Variants in GALNTL6 observed in about 807,000 individuals in gnomAD.
The protein encoded by GALNTL6 is polypeptide N-acetylgalactosaminyltransferase-like 6.
A neutral mutation model predicts 73.7 loss-of-function variants in GALNTL6; 46 were observed. That is an observed-to-expected ratio of 0.62 (90% CI 0.49 to 0.80). The LOEUF (loss-of-function observed/expected upper bound fraction) is 0.80. GALNTL6 is among the 30% of genes least tolerant of loss of function. GALNTL6 has a pLI of 0.00. For synonymous variants in GALNTL6, 259 were observed against 263.7 expected (o/e 0.98, Z 0.17); for missense variants, 604 against 755.0 (o/e 0.80, Z 2.34).
chr4:172,812,005 G>T (rs1287264914), intron 6 of GALNTL6, among the ~76,000 whole-genome samples: 2 of 119,248 alleles, frequency 1.7e-5, no homozygotes, highest in African/African-American at 6.0e-5. Flanking sequence ...TGACTGGATG[G>T]ATAAATGGAT....
intron 3 of GALNTL6, among the ~76,000 whole-genome samples, chr4:172,300,076 T>C (rs868820830): frequency 1.2e-4 from 18 of 152,234 alleles, no homozygotes; most frequent in African/African-American, 4.3e-4. Context: ...TATATATATT[T>C]AGGATAGTTA....
At chr4:172,769,182 T>C (rs1738615341) in intron 5 of GALNTL6, among the ~76,000 whole-genome samples, 1 of 152,120 alleles carries the variant, frequency 6.6e-6, no homozygotes, top group Non-Finnish European at 1.5e-5. Flanking sequence ...ACGGAGCCAC[T>C]GAAGGTGTTA....
chr4:172,198,112 AAAAC>A (rs1021675996), intron 2 of GALNTL6, among the ~76,000 whole-genome samples: 1 of 152,064 alleles, frequency 6.6e-6, no homozygotes, highest in Non-Finnish European at 1.5e-5. Flanking sequence ...CTCTGTCAAA[AAAAC>A]AAACAAACAA....
intron 5 of GALNTL6, among the ~76,000 whole-genome samples, chr4:172,414,542 G>T (rs534003963): frequency 1.3e-5 from 2 of 152,132 alleles, no homozygotes; most frequent in East Asian, 1.9e-4. Context: ...TCATTCACAC[G>T]ATGATCTGTA....
chr4:171,859,965 T>A (rs1323119780), intron 2 of GALNTL6, among the ~76,000 whole-genome samples: 1 of 152,192 alleles, frequency 6.6e-6, no homozygotes, highest in Non-Finnish European at 1.5e-5. Context: ...GGAATTATAT[T>A]CCCAGGGCTC....
At chr4:172,670,735 C>G (rs910381759) in intron 5 of GALNTL6, among the ~76,000 whole-genome samples, 1 of 151,966 alleles carries the variant, frequency 6.6e-6, no homozygotes, top group African/African-American at 2.4e-5. Flanking sequence ...CATTTCTATG[C>G]CTAGAATGGT....
intron 3 of GALNTL6, among the ~76,000 whole-genome samples, chr4:172,284,282 CT>C (rs1213088707): frequency 6.6e-6 from 1 of 152,176 alleles, no homozygotes; most frequent in Non-Finnish European, 1.5e-5. Context: ...TGATTTCTTA[CT>C]TTTTTTCACA....
chr4:172,889,673 G>T (rs960671449), intron 8 of GALNTL6, among the ~76,000 whole-genome samples: 4 of 151,850 alleles, frequency 2.6e-5, no homozygotes, highest in African/African-American at 7.3e-5. Flanking sequence ...TTTATTGAGG[G>T]TTTTTGTGTC....
intron 2 of GALNTL6, among the ~76,000 whole-genome samples, chr4:172,139,559 C>T (rs1455731440): frequency 2.0e-5 from 3 of 151,988 alleles, no homozygotes; most frequent in Admixed American, 2.0e-4. Context: ...TAATATAATC[C>T]CAATTCCAGG....
chr4:172,834,158 A>G (rs1742785601), intron 7 of GALNTL6, among the ~76,000 whole-genome samples: 3 of 152,176 alleles, frequency 2.0e-5, no homozygotes, highest in Admixed American at 6.5e-5. Flanking sequence ...AGAATCCCTT[A>G]ACAAGAAGGA....
At chr4:172,326,160 G>T (rs955574240) in intron 4 of GALNTL6, among the ~76,000 whole-genome samples, 7 of 151,930 alleles carry the variant, frequency 4.6e-5, no homozygotes, top group Admixed American at 1.3e-4. Context: ...CAAAAATAAA[G>T]TTATACATAC....
chr4:172,087,148 C>T (rs1346004596), intron 2 of GALNTL6, among the ~76,000 whole-genome samples: 7 of 152,054 alleles, frequency 4.6e-5, no homozygotes. Context: ...GATACTCATA[C>T]AACATAGAGC....
In GALNTL6 at chr4:172,788,045, T is replaced by C. The variant is rs112569493; in HGVS notation, c.554-21316T>C. 8.4e-3 allele frequency among the ~76,000 whole-genome samples: 1,280 copies of C among 152,266 alleles called. 32 individuals carry two copies. The highest frequency in any genetic ancestry group is 0.029 in the African/African-American group (1,209 of 41,550). On this transcript the variant is annotated intron_variant, in intron 5 of 12. Transcript: ENST00000506823. ...TGTAGAGGAGACTTGAAAATGTTTA[T>C]AGCTAAAGAGAAGGAGCAGGCTGGG...
intron 5 of GALNTL6, among the ~76,000 whole-genome samples, chr4:172,435,557 C>T (rs531807285): frequency 1.3e-5 from 2 of 152,238 alleles, no homozygotes; most frequent in East Asian, 1.9e-4. Context: ...ATCATTATAG[C>T]TCCATCACAT....
intron 5 of GALNTL6, among the ~76,000 whole-genome samples, chr4:172,456,666 C>T (rs774528364): frequency 7.3e-5 from 11 of 151,268 alleles, no homozygotes; most frequent in Non-Finnish European, 1.2e-4. Context: ...ATAATGAAAA[C>T]GAACAAACAA....
At chr4:172,091,511 A>T (rs970420633) in intron 2 of GALNTL6, among the ~76,000 whole-genome samples, 10 of 152,278 alleles carry the variant, frequency 6.6e-5, no homozygotes, top group African/African-American at 2.2e-4. Context: ...AAGGTATCAG[A>T]CCAGTTTTTC....
At chr4:172,730,651 G>T (rs186447763) in intron 5 of GALNTL6, among the ~76,000 whole-genome samples, 3 of 152,110 alleles carry the variant, frequency 2.0e-5, no homozygotes, top group Non-Finnish European at 4.4e-5. Flanking sequence ...GATTTTTGCA[G>T]TTATGTTCTT....
intron 2 of GALNTL6, among the ~76,000 whole-genome samples, chr4:171,862,174 C>A (rs1426041521): frequency 1.3e-5 from 2 of 152,046 alleles, no homozygotes; most frequent in Non-Finnish European, 2.9e-5. Flanking sequence ...AGGCAGAGGT[C>A]TTCAGAAATA....
chr4:172,015,317 T>G (rs972656759), intron 2 of GALNTL6, among the ~76,000 whole-genome samples: 4 of 152,030 alleles, frequency 2.6e-5, no homozygotes. Flanking sequence ...TGTCCTTCTT[T>G]CTCTTTGTTG....
Sources: allele counts gnomAD v4.1 joint callset (sites outside exome capture counted in the v4.1 genomes callset), GRCh38; gene constraint gnomAD v4.1.1; transcripts MANE v1.5; gene names NCBI Gene and HGNC (gene_info 2026-07-23, HGNC 2026-07-21).